Variants in TAF1 observed in about 807,000 individuals in gnomAD.
TAF1 encodes transcription initiation factor TFIID subunit 1.
In TAF1, 2 loss-of-function variants were observed where a neutral mutation model predicts 138.5. The ratio of observed to expected loss-of-function variants is 0.01; its 90% confidence interval spans 0.01 to 0.05. The LOEUF (loss-of-function observed/expected upper bound fraction) is 0.05, where lower values mean the gene tolerates loss of function less well. Ranked by LOEUF, TAF1 falls within the 10% of genes least tolerant of loss-of-function variation. TAF1 has a pLI of 1.00. For synonymous variants in TAF1, 437 were observed against 503.2 expected (o/e 0.87, Z 1.76); for missense variants, 709 against 1,478.0 (o/e 0.48, Z 8.53).
chrX:71,393,258 GTGTGTGTA>G (rs1270911108), intron 20 of TAF1, 35 bp from the exon 21 acceptor site: 2 of 1,147,190 alleles, frequency 1.7e-6, no homozygotes, highest in Non-Finnish European at 2.3e-6. Flanking sequence ...GTGTGTGTGT[GTGTGTGTA>G]TATTTATATT....
chrX:71,433,819 G>C (rs1219485890), intron 32 of TAF1, among the ~76,000 whole-genome samples: 3 of 108,997 alleles, frequency 2.8e-5, no homozygotes, highest in African/African-American at 1.0e-4. Context: ...GCAGTGGACA[G>C]CCTAGAAGGC....
intron 13 of TAF1, among the ~76,000 whole-genome samples, chrX:71,478,214 C>T (rs1186530789): frequency 9.1e-6 from 1 of 110,068 alleles, no homozygotes; most frequent in African/African-American, 3.3e-5. Flanking sequence ...ATTAGCTGGG[C>T]GTGGTGGTGG....
intron 3 of TAF1, among the ~76,000 whole-genome samples, chrX:71,370,676 T>C (rs1036784507): frequency 2.7e-5 from 3 of 111,589 alleles, no homozygotes; most frequent in African/African-American, 6.5e-5. Flanking sequence ...GTGAAGTTGC[T>C]CGTTATTTAT....
At chrX:71,427,103 A>G (rs2036629631) in intron 32 of TAF1, among the ~76,000 whole-genome samples, 2 of 112,287 alleles carry the variant, frequency 1.8e-5, no homozygotes, top group Non-Finnish European at 3.8e-5. Flanking sequence ...AGACTGATGA[A>G]GAAATAAGCA....
At chrX:71,373,505 A>T (rs1427685158) in intron 3 of TAF1, among the ~76,000 whole-genome samples, 1 of 111,318 alleles carries the variant, frequency 9.0e-6, no homozygotes, top group Non-Finnish European at 1.9e-5. Context: ...GGATAAATGT[A>T]TATTGGGGGT....
intron 13 of TAF1, among the ~76,000 whole-genome samples, chrX:71,497,753 A>G (rs1159522611): frequency 9.0e-6 from 1 of 111,350 alleles, no homozygotes; most frequent in East Asian, 2.8e-4. Flanking sequence ...TTCCCATTCT[A>G]CTAGATGAGT....
chrX:71,471,461 C>CTTTT (rs1279972405), intron 13 of TAF1, among the ~76,000 whole-genome samples: 1 of 87,332 alleles, frequency 1.1e-5, no homozygotes. Flanking sequence ...GAAATGGTCA[C>CTTTT]TTTTTTTTTT....
intron 13 of TAF1, among the ~76,000 whole-genome samples, chrX:71,524,676 C>G (rs908888097): frequency 2.8e-5 from 3 of 108,806 alleles, no homozygotes; most frequent in Admixed American, 2.0e-4. Context: ...GGTGTGGTGG[C>G]TCACGCCTGT....
intron 34 of TAF1, among the ~76,000 whole-genome samples, chrX:71,457,829 C>G (rs2038373872): frequency 1.8e-5 from 2 of 112,506 alleles, no homozygotes; most frequent in Non-Finnish European, 3.8e-5. Context: ...ACTATCAAAG[C>G]ATTCTATGCT....
chrX:71,453,297 G>A (rs193073525), intron 32 of TAF1, among the ~76,000 whole-genome samples: 68 of 111,130 alleles, frequency 6.1e-4, no homozygotes, highest in Admixed American at 4.8e-3. Context: ...TGTGGCTCAC[G>A]CCTGTAATCC....
chrX:71,509,547 G>A (rs909389607), intron 13 of TAF1, among the ~76,000 whole-genome samples: 1 of 111,029 alleles, frequency 9.0e-6, no homozygotes, highest in African/African-American at 3.3e-5. Flanking sequence ...ATTTTTGAAG[G>A]ATATTAGGGG....
intron 32 of TAF1, among the ~76,000 whole-genome samples, chrX:71,449,106 C>T (rs1423779936): frequency 2.7e-5 from 3 of 112,156 alleles, no homozygotes; most frequent in Non-Finnish European, 5.6e-5. Context: ...AATTCTCCTG[C>T]CTCAGCCTCC....
chrX:71,413,565 C>A (rs943225247), intron 28 of TAF1, among the ~76,000 whole-genome samples: 1 of 111,768 alleles, frequency 8.9e-6, no homozygotes, highest in African/African-American at 3.3e-5. Context: ...TTTCTCGAAT[C>A]ATTTCCTTGC....
chrX:71,429,910 T>C (rs1458580965), intron 32 of TAF1, among the ~76,000 whole-genome samples: 2 of 111,380 alleles, frequency 1.8e-5, no homozygotes, highest in Non-Finnish European at 3.8e-5. Flanking sequence ...CATAAATTAG[T>C]ACAAACGTTT....
chrX:71,408,240 A>G (rs1011842667), intron 28 of TAF1, 89 bp downstream of exon 28: 1 of 1,012,978 alleles, frequency 9.9e-7, no homozygotes, highest in Non-Finnish European at 1.3e-6. Context: ...TTGGACTGAG[A>G]GGACTACAGT....
At chrX:71,512,400 G>A (rs781078084) in intron 13 of TAF1, among the ~76,000 whole-genome samples, 59 of 112,346 alleles carry the variant, frequency 5.3e-4, no homozygotes, top group African/African-American at 1.7e-3. Flanking sequence ...AAAGTACTTC[G>A]TTGTGTGAGT....
At chrX:71,484,406 C>A (rs1361923157) in intron 13 of TAF1, among the ~76,000 whole-genome samples, 1 of 107,525 alleles carries the variant, frequency 9.3e-6, no homozygotes, top group Non-Finnish European at 1.9e-5. Context: ...GATCTCAGCT[C>A]ACTGCAGCCT....
intron 22 of TAF1, among the ~76,000 whole-genome samples, chrX:71,396,536 C>T (rs1012468446): frequency 9.1e-5 from 10 of 110,233 alleles, no homozygotes; most frequent in Non-Finnish European, 1.7e-4. Flanking sequence ...AAGTGATCCT[C>T]CCACCTTAGC....
intron 32 of TAF1, among the ~76,000 whole-genome samples, chrX:71,441,985 A>G (rs1388085241): frequency 9.0e-6 from 1 of 110,741 alleles, no homozygotes; most frequent in East Asian, 2.8e-4. Flanking sequence ...TGTCCCTACA[A>G]AGGACATGAA....
Sources: allele counts gnomAD v4.1 joint callset (sites outside exome capture counted in the v4.1 genomes callset), GRCh38; gene constraint gnomAD v4.1.1; transcripts MANE v1.5; gene names NCBI Gene and HGNC (gene_info 2026-07-23, HGNC 2026-07-21).